ERCC6: variants seen among roughly 807,000 people sequenced by gnomAD.
ERCC6 encodes DNA excision repair protein ERCC-6.
In ERCC6, 116 loss-of-function variants were observed where a neutral mutation model predicts 158.7. The observed-to-expected ratio is 0.73, with a 90% CI of 0.63 to 0.85. ERCC6 has a LOEUF of 0.85. Among genes scored for constraint, ERCC6 ranks in the 40% least tolerant of loss-of-function variants. The pLI is 0.00. For synonymous variants in ERCC6, 678 were observed against 659.3 expected (o/e 1.03, Z -0.43); for missense variants, 1,698 against 1,799.4 (o/e 0.94, Z 1.02).
chr10:49,530,886 T>G (rs1172055490), intron 2 of ERCC6, 46 bp from the exon 3 acceptor site: 1 of 1,605,696 alleles, frequency 6.2e-7, no homozygotes, highest in East Asian at 2.2e-5. Context: ...GATAACATTT[T>G]TATAGCATAA....
intron 6 of ERCC6, chr10:49,501,064 G>T: frequency 3.9e-6 from 1 of 255,138 alleles, no homozygotes; most frequent in Non-Finnish European, 7.7e-6. Context: ...CATATATAAA[G>T]TTCCATTAAT....
At chr10:49,490,313 T>C (rs532053632) in intron 8 of ERCC6, among the ~76,000 whole-genome samples, 22 of 151,848 alleles carry the variant, frequency 1.4e-4, no homozygotes, top group African/African-American at 5.1e-4. Context: ...ATGTGCTTAA[T>C]TGAGAAATTG....
chr10:49,511,011 C>CAAAAAAAAA (rs753649748), intron 5 of ERCC6, among the ~76,000 whole-genome samples: 2 of 118,462 alleles, frequency 1.7e-5, no homozygotes, highest in African/African-American at 6.2e-5. Flanking sequence ...AATCTTATAA[C>CAAAAAAAAA]AAAAAAAAAA....
chr10:49,453,048 T>C (rs1037966040), downstream of ERCC6, among the ~76,000 whole-genome samples: 8 of 152,300 alleles, frequency 5.3e-5, no homozygotes, highest in African/African-American at 1.4e-4. Context: ...TTCATTAACA[T>C]TTATTATTGA....
At chr10:49,483,279 A>AGATAGTT in intron 9 of ERCC6, 67 bp downstream of exon 9, 1 of 1,478,386 alleles carries the variant, frequency 6.8e-7, no homozygotes, top group Non-Finnish European at 9.5e-7. Flanking sequence ...TACTAAAAGC[A>AGATAGTT]GATAGTTTAT....
intron 12 of ERCC6, chr10:49,475,388 GCATTCC>G: frequency 2.2e-6 from 1 of 446,000 alleles, no homozygotes; most frequent in Non-Finnish European, 4.5e-6. Flanking sequence ...AGTGTAGTTT[GCATTCC>G]CTTTCCTGGA....
At chr10:49,513,866 T>TA (rs1272308225) in intron 5 of ERCC6, among the ~76,000 whole-genome samples, 1 of 151,876 alleles carries the variant, frequency 6.6e-6, no homozygotes, top group Non-Finnish European at 1.5e-5. Flanking sequence ...CTTTTTTTTT[T>TA]AACAATTAAA....
intron 5 of ERCC6, among the ~76,000 whole-genome samples, chr10:49,509,400 G>A (rs1374013455): frequency 3.3e-5 from 5 of 152,138 alleles, no homozygotes; most frequent in African/African-American, 4.8e-5. Flanking sequence ...ATATTGCAAC[G>A]TACTCTGTTT....
intron 10 of ERCC6, among the ~76,000 whole-genome samples, chr10:49,482,020 T>C (rs1850989090): frequency 6.6e-6 from 1 of 152,124 alleles, no homozygotes; most frequent in South Asian, 2.1e-4. Context: ...CCTCCCTGAG[T>C]GCCACTGCTT....
intron 7 of ERCC6, 84 bp from the exon 8 acceptor site, chr10:49,493,336 A>C: frequency 6.5e-7 from 1 of 1,532,896 alleles, no homozygotes; most frequent in Non-Finnish European, 8.9e-7. Flanking sequence ...CAAAACAACA[A>C]ACAAAAAACT....
At chr10:49,510,860 T>C (rs1851521176) in intron 5 of ERCC6, among the ~76,000 whole-genome samples, 1 of 151,924 alleles carries the variant, frequency 6.6e-6, no homozygotes, top group Non-Finnish European at 1.5e-5. Flanking sequence ...TACCTCTTGC[T>C]GCATTTCCTA....
At chr10:49,537,453 T>C (rs1274251451) in intron 1 of ERCC6, among the ~76,000 whole-genome samples, 1 of 151,216 alleles carries the variant, frequency 6.6e-6, no homozygotes, top group Non-Finnish European at 1.5e-5. Flanking sequence ...CCCAAAGAGC[T>C]TAGAGTCTCA....
At chr10:49,494,136 G>C (rs1364974859) in intron 7 of ERCC6, among the ~76,000 whole-genome samples, 1 of 152,160 alleles carries the variant, frequency 6.6e-6, no homozygotes, top group East Asian at 1.9e-4. Context: ...ACAAAGCATG[G>C]GCCAGTGGTT....
chr10:49,438,431 T>G, the ERCC6 span, among the ~76,000 whole-genome samples: 3 of 152,218 alleles, frequency 2.0e-5, no homozygotes, highest in Admixed American at 2.0e-4. Flanking sequence ...CTCGTGAAAT[T>G]TATTCACTAT....
At chr10:49,442,042 T>C in the ERCC6 span, among the ~76,000 whole-genome samples, 2 of 152,134 alleles carry the variant, frequency 1.3e-5, no homozygotes, top group African/African-American at 4.8e-5. Context: ...GCTGCCGGTA[T>C]CCAAACAAGA....
At position 49,472,485 on chromosome 10, in the gene ERCC6, G is replaced by C; in HGVS notation, c.2830-15C>G. ...CGCTCCCGGGCCTGCAACAGAGAGA[G>C]AGAGACCTCTCAACGAGAATCCTTC... On this transcript the variant is annotated splice_polypyrimidine_tract_variant and intron_variant, in intron 15 of 20. Coordinates refer to ENST00000355832, the MANE Select transcript of ERCC6 (RefSeq NM_000124.4). 1.2e-6 allele frequency: 2 copies of C among 1,612,572 alleles called. No homozygotes were observed. The highest frequency in any genetic ancestry group is 1.7e-6 in the Non-Finnish European group (2 of 1,178,758).
chr10:49,534,349 C>T (rs1024700275), intron 1 of ERCC6, among the ~76,000 whole-genome samples: 3 of 152,166 alleles, frequency 2.0e-5, no homozygotes, highest in African/African-American at 7.2e-5. Flanking sequence ...AGGCACATGA[C>T]CTTTGTCAAG....
At position 49,459,097 on chromosome 10, in the gene ERCC6, A is replaced by C; in HGVS notation, c.4200T>G (p.Ile1400Met). 1 of 1,614,210 alleles carries C rather than the reference A, an allele frequency of 6.2e-7. No homozygotes were observed. Among genetic ancestry groups the C allele is most frequent in the Non-Finnish European group, 8.5e-7 (1 of 1,180,038 alleles). Residue 1400 changes from isoleucine (I) to methionine (M), a missense_variant, in exon 21 of 21, where the codon ATT becomes ATG. Ile to Met is a conservative substitution (Grantham distance 10). Coordinates refer to ENST00000355832, the MANE Select transcript of ERCC6 (RefSeq NM_000124.4). The stretch of plus-strand genomic sequence containing the variant: ...TTTCACTTTCTAAACGCTCTGGCAG[A>C]ATCAGGTGGTTTCTAGCTCTCATTT... ...LAKMRARNHL[I>M]LPERLESESG...
intron 7 of ERCC6, among the ~76,000 whole-genome samples, chr10:49,498,339 G>A (rs1851300373): frequency 6.6e-6 from 1 of 152,158 alleles, no homozygotes; most frequent in African/African-American, 2.4e-5. Flanking sequence ...CATAGCCAAT[G>A]AGGCAATAAC....
Sources: allele counts gnomAD v4.1 joint callset (sites outside exome capture counted in the v4.1 genomes callset), GRCh38; gene constraint gnomAD v4.1.1; transcripts MANE v1.5; gene names NCBI Gene and HGNC (gene_info 2026-07-23, HGNC 2026-07-21).